CUL3: variants seen among roughly 807,000 people sequenced by gnomAD.
The protein encoded by CUL3 is cullin-3.
CUL3 carries 19 observed loss-of-function variants against 89.1 expected under a neutral mutation model. The observed-to-expected ratio is 0.21, with a 90% CI of 0.15 to 0.31. The LOEUF (loss-of-function observed/expected upper bound fraction) is 0.31. Ranked by LOEUF, CUL3 falls within the 10% of genes least tolerant of loss-of-function variation. CUL3 has a pLI of 1.00. For missense variants in CUL3, 469 were observed against 942.3 expected (o/e 0.50, Z 6.58); for synonymous variants, 351 against 308.4 (o/e 1.14, Z -1.45).
intron 6 of CUL3, among the ~76,000 whole-genome samples, chr2:224,510,219 G>GTTTT (rs1553522669): frequency 9.5e-6 from 1 of 105,350 alleles, no homozygotes; most frequent in Non-Finnish European, 2.1e-5. Context: ...GATGACTTCT[G>GTTTT]TTTTTTTTTT....
intron 2 of CUL3, among the ~76,000 whole-genome samples, chr2:224,537,323 T>G (rs1023892420): frequency 1.3e-5 from 2 of 152,158 alleles, no homozygotes; most frequent in Admixed American, 1.3e-4. Context: ...GATGAGACAA[T>G]ATATCTAGTC....
In CUL3 at chr2:224,585,175, G is replaced by GA; in HGVS notation, c.-167_-166insT. On this transcript the variant is annotated 5_prime_UTR_variant, in exon 1 of 16. Coordinates refer to ENST00000264414, the MANE Select transcript of CUL3 (RefSeq NM_003590.5). ...CCCCTGGGCAGCCGCGGCGGCGGCG[G>GA]GGGCGGCGGCGGCGGCGGCGGCGGC... is the stretch of plus-strand genomic sequence containing the variant. 1 of 274,974 alleles carries GA rather than the reference G, an allele frequency of 3.6e-6. No homozygotes were observed. Among genetic ancestry groups the GA allele is most frequent in the East Asian group, 8.4e-5 (1 of 11,840 alleles). The allele number at this position is 274,974 out of a possible 1,614,324, so 17.0% of individuals were successfully genotyped here.
chr2:224,527,363 C>G (rs1009253770), intron 3 of CUL3, among the ~76,000 whole-genome samples: 7 of 152,094 alleles, frequency 4.6e-5, no homozygotes, highest in African/African-American at 1.2e-4. Context: ...AAACACAGAC[C>G]CACAGACTCC....
intron 3 of CUL3, 33 bp downstream of exon 3, chr2:224,535,495 A>T (rs1393545860): frequency 6.9e-7 from 1 of 1,439,342 alleles, no homozygotes; most frequent in Non-Finnish European, 9.5e-7. Flanking sequence ...TTAACTGCTT[A>T]AAGGAAGAAA....
At chr2:224,526,129 AAG>A (rs1451142316) in intron 3 of CUL3, among the ~76,000 whole-genome samples, 1 of 152,250 alleles carries the variant, frequency 6.6e-6, no homozygotes, top group Non-Finnish European at 1.5e-5. Flanking sequence ...ATAAGAAAAC[AAG>A]AGTCTTGAGA....
At chr2:224,528,518 G>A (rs1409307976) in intron 3 of CUL3, among the ~76,000 whole-genome samples, 1 of 151,800 alleles carries the variant, frequency 6.6e-6, no homozygotes, top group Non-Finnish European at 1.5e-5. Flanking sequence ...ATTAGTCATG[G>A]ACATATTTCG....
chr2:224,526,803 C>A (rs1693498329), intron 3 of CUL3, among the ~76,000 whole-genome samples: 3 of 132,242 alleles, frequency 2.3e-5, no homozygotes, highest in Non-Finnish European at 3.2e-5. Context: ...GGCGACAGAG[C>A]AAGACTAAGT....
chr2:224,493,306 A>G (rs1030023933), intron 13 of CUL3, among the ~76,000 whole-genome samples: 1 of 152,240 alleles, frequency 6.6e-6, no homozygotes, highest in Non-Finnish European at 1.5e-5. Flanking sequence ...ACTTTTAACT[A>G]TCTCCACTAA....
chr2:224,484,224 T>G (rs183165497), intron 13 of CUL3, among the ~76,000 whole-genome samples: 2 of 152,204 alleles, frequency 1.3e-5, no homozygotes, highest in South Asian at 2.1e-4. Flanking sequence ...TCAAGTTGCT[T>G]AACAATTTAA....
intron 15 of CUL3, among the ~76,000 whole-genome samples, chr2:224,477,601 C>T (rs190904436): frequency 2.1e-4 from 32 of 152,292 alleles, no homozygotes; most frequent in African/African-American, 7.0e-4. Context: ...TGGACCACAG[C>T]GGCACATTAC....
chr2:224,558,004 C>T (rs1355622480), intron 1 of CUL3, 148 bp from the exon 2 acceptor site: 18 of 542,222 alleles, frequency 3.3e-5, no homozygotes, highest in Non-Finnish European at 5.4e-5. Context: ...CATTAACAAC[C>T]TATTTTAACA....
intron 1 of CUL3, among the ~76,000 whole-genome samples, chr2:224,564,896 T>C (rs552709690): frequency 3.3e-5 from 5 of 152,352 alleles, no homozygotes; most frequent in African/African-American, 1.2e-4. Flanking sequence ...TGTGGCAATA[T>C]AAACTACCTA....
intron 2 of CUL3, among the ~76,000 whole-genome samples, chr2:224,544,564 A>G (rs1289700330): frequency 6.6e-6 from 1 of 152,092 alleles, no homozygotes; most frequent in Non-Finnish European, 1.5e-5. Flanking sequence ...TTTCCACTTA[A>G]AACATACTTT....
intron 1 of CUL3, 43 bp from the exon 2 acceptor site, chr2:224,557,899 A>AAAAAAAAAAAAG: frequency 8.8e-7 from 1 of 1,136,456 alleles, no homozygotes; most frequent in Non-Finnish European, 1.2e-6. Flanking sequence ...AAAAAAAAAA[A>AAAAAAAAAAAAG]AAAAAACCAA....
chr2:224,546,141 C>T (rs993153479), intron 2 of CUL3, among the ~76,000 whole-genome samples: 1 of 152,008 alleles, frequency 6.6e-6, no homozygotes. Flanking sequence ...ATACTATTCC[C>T]AATGGTTAAG....
chr2:224,507,168 G>C (rs1692632927), intron 6 of CUL3, among the ~76,000 whole-genome samples, 165 bp from the exon 7 acceptor site: 1 of 152,162 alleles, frequency 6.6e-6, no homozygotes. Context: ...ACATGAAGAA[G>C]TAGGCTAGTT....
chr2:224,551,336 G>T (rs551756101), intron 2 of CUL3, among the ~76,000 whole-genome samples: 1 of 151,660 alleles, frequency 6.6e-6, no homozygotes, highest in Non-Finnish European at 1.5e-5. Context: ...CTCCTGTGTA[G>T]CTGGGACTAC....
chr2:224,523,288 A>C (rs1257047373), intron 3 of CUL3, among the ~76,000 whole-genome samples: 1 of 152,144 alleles, frequency 6.6e-6, no homozygotes, highest in Non-Finnish European at 1.5e-5. Flanking sequence ...TTAGTACTGA[A>C]AGAAAAGCTT....
At chr2:224,566,983 T>C (rs912912787) in intron 1 of CUL3, among the ~76,000 whole-genome samples, 1 of 152,162 alleles carries the variant, frequency 6.6e-6, no homozygotes. Flanking sequence ...CTTAATCTAG[T>C]ACACATCAAG....
Sources: allele counts gnomAD v4.1 joint callset (sites outside exome capture counted in the v4.1 genomes callset), GRCh38; gene constraint gnomAD v4.1.1; transcripts MANE v1.5; gene names NCBI Gene and HGNC (gene_info 2026-07-23, HGNC 2026-07-21).